Variants in SUPT3H observed in about 807,000 individuals in gnomAD.
SUPT3H encodes transcription initiation protein SPT3 homolog.
Under a neutral mutation model 44.3 loss-of-function variants are expected in SUPT3H, and 44 were observed. The observed-to-expected ratio is 0.99, with a 90% CI of 0.78 to 1.28. The LOEUF is 1.28. SUPT3H is among the 50% of genes most tolerant of loss of function. The probability of loss-of-function intolerance (pLI) is 0.00; values close to 1 mark genes in which losing one functional copy is unlikely to be tolerated. For synonymous variants in SUPT3H, 124 were observed against 125.6 expected (o/e 0.99, Z 0.09); for missense variants, 380 against 387.1 (o/e 0.98, Z 0.15).
chr6:45,325,213 G>T (rs1233419068), intron 2 of SUPT3H, among the ~76,000 whole-genome samples: 1 of 151,604 alleles, frequency 6.6e-6, no homozygotes, highest in Non-Finnish European at 1.5e-5. Flanking sequence ...GTTTTTCAAA[G>T]AATGAGCAGC....
At chr6:45,357,575 C>T (rs769652367) in intron 2 of SUPT3H, among the ~76,000 whole-genome samples, 15 of 152,080 alleles carry the variant, frequency 9.9e-5, no homozygotes, top group Non-Finnish European at 1.9e-4. Flanking sequence ...GCTCCCCTGA[C>T]GTCAGCCCCT....
chr6:45,122,434 G>C (rs182292772), intron 2 of SUPT3H, among the ~76,000 whole-genome samples: 1 of 151,934 alleles, frequency 6.6e-6, no homozygotes, highest in African/African-American at 2.4e-5. Flanking sequence ...CAGTACCTAA[G>C]GATTAAGAAA....
chr6:45,363,218 A>G (rs530165842), intron 2 of SUPT3H, among the ~76,000 whole-genome samples: 34 of 152,328 alleles, frequency 2.2e-4, no homozygotes, highest in Admixed American at 5.2e-4. Context: ...AAGCCTGGGT[A>G]TGGTACAGTA....
chr6:45,322,855 G>A (rs766531962), intron 2 of SUPT3H: 1 of 1,582,074 alleles, frequency 6.3e-7, no homozygotes, highest in South Asian at 1.1e-5. Context: ...CAAAAGCAGT[G>A]GCACTGGAGA....
At chr6:44,871,183 C>A (rs1250229372) in intron 10 of SUPT3H, among the ~76,000 whole-genome samples, 1 of 149,036 alleles carries the variant, frequency 6.7e-6, no homozygotes, top group Non-Finnish European at 1.5e-5. Flanking sequence ...GTAGGCTCCA[C>A]CTCTGGGGGC....
rs1484879670 is a variant in SUPT3H, at chr6:45,212,479, C to CTG, written c.102-106474_102-106473insCA. On this transcript the variant is annotated intron_variant, in intron 2 of 10. Transcript: ENST00000371459. ...GTTCTGAAACTTCCCTCCACCTCCACTATGTGTGTGTGTGTGTGTGTGTGT... is the reference window on the plus strand; with the variant it reads ...GTTCTGAAACTTCCCTCCACCTCCACTGTATGTGTGTGTGTGTGTGTGTGTGT... 2.8e-3 allele frequency among the ~76,000 whole-genome samples: 394 copies of CTG among 139,934 alleles called. 6 individuals are homozygous for CTG. The highest frequency in any genetic ancestry group is 7.8e-3 in the Middle Eastern group (2 of 256). 91.8% of individuals were successfully genotyped at this position (139,934 alleles called of 152,430 possible).
intron 2 of SUPT3H, among the ~76,000 whole-genome samples, chr6:45,113,418 C>A (rs960624814): frequency 1.3e-5 from 2 of 152,204 alleles, no homozygotes; most frequent in South Asian, 2.1e-4. Context: ...TACAAATTAG[C>A]CTTGCTCTTC....
chr6:45,243,426 C>CA (rs1770760626), intron 2 of SUPT3H, among the ~76,000 whole-genome samples: 1 of 151,796 alleles, frequency 6.6e-6, no homozygotes, highest in Non-Finnish European at 1.5e-5. Context: ...ACCAAAAACA[C>CA]AGAAAAATTA....
intron 3 of SUPT3H, among the ~76,000 whole-genome samples, chr6:45,023,306 AG>A (rs1230944232): frequency 4.6e-5 from 7 of 152,102 alleles, no homozygotes; most frequent in Non-Finnish European, 8.8e-5. Context: ...TGTGGAGAAA[AG>A]GGAACACTTA....
At chr6:45,081,031 C>T (rs966700486) in intron 3 of SUPT3H, among the ~76,000 whole-genome samples, 17 of 9,478 alleles carry the variant, frequency 1.8e-3, no homozygotes, top group African/African-American at 5.7e-3. Context: ...CTCATATATC[C>T]CATATATATA....
chr6:45,177,222 A>C (rs1812114812), intron 2 of SUPT3H, among the ~76,000 whole-genome samples: 1 of 152,252 alleles, frequency 6.6e-6, no homozygotes, highest in Admixed American at 6.5e-5. Context: ...AGAAGTGCTT[A>C]AAGGAGCTGA....
chr6:44,870,790 C>T lies in SUPT3H; in HGVS notation c.913-40933G>A, dbSNP rs546409154. 4.6e-5 allele frequency among the ~76,000 whole-genome samples: 7 copies of T among 150,830 alleles called. No individual in the cohort carries two copies. The East Asian group carries it at 7.8e-4, about 17-fold the overall frequency. ...GAGTGGGCGCAGGCCAGTGTGTGCG[C>T]GCACCCTGCGCGAGCTGAAGCAGGG... On this transcript the variant is annotated intron_variant, in intron 10 of 10. Transcript: ENST00000371459.
At chr6:45,171,404 A>G (rs1242678293) in intron 2 of SUPT3H, among the ~76,000 whole-genome samples, 1 of 152,200 alleles carries the variant, frequency 6.6e-6, no homozygotes, top group Non-Finnish European at 1.5e-5. Flanking sequence ...AATACTCTTA[A>G]GAAATATTTG....
At chr6:44,825,665 CTG>C (rs575466214), downstream of SUPT3H, among the ~76,000 whole-genome samples, 3,675 of 152,246 alleles carry the variant, frequency 0.024, 89 homozygotes, top group Non-Finnish European at 0.04. Flanking sequence ...ACATGGTGTG[CTG>C]TAATTATTAT....
Position 45,197,645 on chromosome 6 carries a change from T to C in SUPT3H, c.102-91639A>G, listed in dbSNP as rs544000406. On this transcript the variant is annotated intron_variant, in intron 2 of 10. Coordinates refer to ENST00000371459, the MANE Select transcript of SUPT3H (RefSeq NM_003599.4). The stretch of plus-strand genomic sequence containing the variant: ...TTTTGTGGTATTTGCAGAAAAAAAT[T>C]GACAATACTATTTTTTCATTTACAT... The C allele has an allele frequency of 1.1e-5, 4 of 354,148 alleles. No individual in the cohort carries two copies. The Middle Eastern group carries it at 3.1e-3, about 277-fold the overall frequency. 21.9% of individuals were successfully genotyped at this position (354,148 alleles called of 1,614,324 possible).
intron 2 of SUPT3H, among the ~76,000 whole-genome samples, chr6:45,243,680 CA>C (rs1219792738): frequency 2.0e-5 from 3 of 152,028 alleles, no homozygotes; most frequent in Middle Eastern, 3.2e-3. Flanking sequence ...AAGACACTAC[CA>C]AAAATGGTAT....
intron 10 of SUPT3H, among the ~76,000 whole-genome samples, chr6:44,930,985 G>T (rs1770498237): frequency 6.6e-6 from 1 of 152,066 alleles, no homozygotes; most frequent in African/African-American, 2.4e-5. Flanking sequence ...TTGGACATGG[G>T]GGAAAAGATA....
chr6:45,290,896 A>T (rs999886461), intron 2 of SUPT3H, among the ~76,000 whole-genome samples: 3 of 152,196 alleles, frequency 2.0e-5, no homozygotes. Context: ...ATCATGGCAG[A>T]CAGGAGGCAG....
chr6:45,338,064 A>C (rs1323882104), intron 2 of SUPT3H, among the ~76,000 whole-genome samples: 1 of 152,010 alleles, frequency 6.6e-6, no homozygotes, highest in Non-Finnish European at 1.5e-5. Flanking sequence ...TTATTGAATA[A>C]ACTTAAGTTG....
Sources: allele counts gnomAD v4.1 joint callset (sites outside exome capture counted in the v4.1 genomes callset), GRCh38; gene constraint gnomAD v4.1.1; transcripts MANE v1.5; gene names NCBI Gene and HGNC (gene_info 2026-07-23, HGNC 2026-07-21).